The following GCSH variants were observed in gnomAD, a reference collection of about 807,000 sequenced individuals.
The protein encoded by GCSH is glycine cleavage system protein H.
GCSH carries 15 observed loss-of-function variants against 21.3 expected under a neutral mutation model. The ratio of observed to expected loss-of-function variants is 0.70; its 90% CI spans 0.47 to 1.08. The LOEUF (loss-of-function observed/expected upper bound fraction) is 1.08, where lower values mean the gene tolerates loss of function less well. Ranked by LOEUF, GCSH falls within the 50% of genes least tolerant of loss-of-function variation. The pLI is 0.00. For missense variants in GCSH, 179 were observed against 217.5 expected, an observed-to-expected ratio of 0.82 and a Z score of 1.11; for synonymous variants, 59 against 84.5, an observed-to-expected ratio of 0.70 and a Z score of 1.66.
rs1020251615 is a variant in GCSH at position 81,082,030 on chromosome 16, C to T, written c.*836G>A. 2 of 453,952 alleles carry T rather than the reference C, an allele frequency of 4.4e-6. No individual in the cohort carries two copies. The highest frequency in any genetic ancestry group is 2.4e-5 in the Admixed American group (1 of 42,546). 28.1% of individuals were successfully genotyped at this position (453,952 alleles called of 1,614,324 possible). ...TGAACGTGGTTTAACAACTTAAAAA[C>T]ACCATGTGCTATACTGATCAAAACT... On this transcript the variant is annotated 3_prime_UTR_variant, in exon 5 of 5. Transcript: ENST00000315467.
chr16:81,086,558 A>G (rs1360753150), intron 3 of GCSH, among the ~76,000 whole-genome samples: 2 of 151,246 alleles, frequency 1.3e-5, no homozygotes, highest in Non-Finnish European at 2.9e-5. Context: ...CTCCGTCTCA[A>G]AAAAATAAGA....
chr16:81,087,701 A>C, intron 2 of GCSH, 37 bp from the exon 3 acceptor site: 1 of 1,399,814 alleles, frequency 7.1e-7, no homozygotes, highest in Non-Finnish European at 1.0e-6. Context: ...ATCTCTAAGA[A>C]GTTATAACTA....
At chr16:81,088,419 A>G (rs1246886349) in intron 2 of GCSH, among the ~76,000 whole-genome samples, 2 of 152,082 alleles carry the variant, frequency 1.3e-5, no homozygotes, top group Non-Finnish European at 2.9e-5. Context: ...TGGTTTTGAG[A>G]CAGAGTTTCT....
At chr16:81,092,755 C>CA (rs920982457) in intron 1 of GCSH, among the ~76,000 whole-genome samples, 9 of 142,858 alleles carry the variant, frequency 6.3e-5, no homozygotes, top group Non-Finnish European at 1.3e-4. Context: ...AAAAAACAAA[C>CA]AAAAAAAATC....
chr16:81,094,061 A>G (rs8052694), intron 1 of GCSH, among the ~76,000 whole-genome samples: 131,408 of 151,638 alleles, frequency 0.87, 57,458 homozygotes, highest in South Asian at 0.97. Context: ...ACCACGCCCG[A>G]CTAATTTTTT....
rs1972459924 is a variant in GCSH, at chr16:81,094,443, T to G, written c.148+1688A>C. Among the ~76,000 whole-genome samples the G allele has an allele frequency of 3.3e-5, 5 of 151,712 alleles. No homozygotes were observed. The South Asian group carries it at 1.0e-3, about 32-fold the overall frequency. On this transcript the variant is annotated intron_variant, in intron 1 of 4. Coordinates refer to ENST00000315467, the MANE Select transcript of GCSH (RefSeq NM_004483.5). ...GTGTTTGAACCCGGGAAGCGAAGGT[T>G]GCAGTGAGCCAAGATCCTGCCACTG... is the stretch of plus-strand genomic sequence containing the variant.
Position 81,096,270 on chromosome 16 carries a change from C to G in GCSH, c.9G>C (p.Leu3=). The part of the protein sequence containing the change: MA[L]RVVRSVRALL... ...GGGCCCGCACGCTCCGCACCACTCG[C>G]AGCGCCATGTTCGCAGGGGTGCGGG... The change falls in exon 1 of 5, where the codon CTG becomes CTC. Residue 3 remains leucine (L), a synonymous_variant. Coordinates refer to ENST00000315467, the MANE Select transcript of GCSH (RefSeq NM_004483.5). The G allele has an allele frequency of 1.5e-6, 2 of 1,367,034 alleles. No individual in the cohort carries two copies. Among genetic ancestry groups the G allele is most frequent in the Non-Finnish European group, 1.9e-6 (2 of 1,066,588 alleles). The allele number at this position is 1,367,034 out of a possible 1,614,324, so 84.7% of individuals were successfully genotyped here.
At chr16:81,091,817 G>C (rs929645253) in intron 1 of GCSH, among the ~76,000 whole-genome samples, 2 of 151,788 alleles carry the variant, frequency 1.3e-5, no homozygotes, top group Non-Finnish European at 2.9e-5. Context: ...AGATGGGGGG[G>C]TCTATGTTGT....
intron 2 of GCSH, among the ~76,000 whole-genome samples, chr16:81,089,687 C>T (rs911704461): frequency 4.6e-5 from 7 of 152,206 alleles, no homozygotes; most frequent in Non-Finnish European, 2.9e-5. Flanking sequence ...TTCCCCGCCT[C>T]ACCCAATACA....
chr16:81,088,383 C>T (rs531987328), intron 2 of GCSH, among the ~76,000 whole-genome samples: 4 of 152,204 alleles, frequency 2.6e-5, no homozygotes, highest in African/African-American at 9.6e-5. Flanking sequence ...CTGCCCCACA[C>T]AAGACTGCTA....
chr16:81,083,028 G>A (rs566632770), intron 4 of GCSH, 65 bp from the exon 5 acceptor site: 6 of 988,468 alleles, frequency 6.1e-6, no homozygotes, highest in East Asian at 2.4e-5. Context: ...CATCCAAAAC[G>A]TAAAATAAAT....
intron 3 of GCSH, among the ~76,000 whole-genome samples, chr16:81,086,618 G>T (rs933935100): frequency 2.6e-5 from 4 of 151,884 alleles, no homozygotes; most frequent in African/African-American, 4.8e-5. Flanking sequence ...AACAGTCTTA[G>T]GGACCCTATA....
chr16:81,095,833 G>A (rs1237425866), intron 1 of GCSH, among the ~76,000 whole-genome samples: 2 of 151,470 alleles, frequency 1.3e-5, no homozygotes, highest in Admixed American at 6.6e-5. Flanking sequence ...TGCAGCAAGC[G>A]GCCGACCTGC....
At chr16:81,093,153 C>T (rs79978393) in intron 1 of GCSH, among the ~76,000 whole-genome samples, 4,626 of 151,012 alleles carry the variant, frequency 0.031, 192 homozygotes, top group African/African-American at 0.099. Context: ...TGCAGAATGA[C>T]GTGATTTTTT....
rs8177876 is a variant in GCSH, at chr16:81,090,670, G to A, written c.159C>T (p.Phe53=). 0.066 allele frequency: 105,664 copies of A among 1,609,126 alleles called. 4,042 individuals carry two copies. Among genetic ancestry groups the A allele is most frequent in the Non-Finnish European group, 0.074 (87,112 of 1,175,412 alleles). ...TGPALLSVRK[F]TEKHEWVTTE... The stretch of plus-strand genomic sequence containing the variant: ...TTGTTACCCATTCGTGTTTCTCTGT[G>A]AATTTACGCACTAAAACAGAAGACC... The change falls in exon 2 of 5, where the codon TTC becomes TTT. Residue 53 remains phenylalanine, a synonymous_variant. Transcript: ENST00000315467.
Position 81,082,065 on chromosome 16 carries a change from C to T in GCSH, c.*801G>A. The T allele has an allele frequency of 2.2e-6, 1 of 454,110 alleles. No individual in the cohort carries two copies. The allele number at this position is 454,110 out of a possible 1,614,324, so 28.1% of individuals were successfully genotyped here. ...TATACTGATCAAAACTTCCACCTTCCTCTGTCTTTCCTCTTCTTTCTTCAG... is the reference window on the plus strand; with the variant it reads ...TATACTGATCAAAACTTCCACCTTCTTCTGTCTTTCCTCTTCTTTCTTCAG... On this transcript the variant is annotated 3_prime_UTR_variant, in exon 5 of 5. Coordinates refer to ENST00000315467, the MANE Select transcript of GCSH (RefSeq NM_004483.5).
chr16:81,094,868 G>T (rs1425838911), intron 1 of GCSH, among the ~76,000 whole-genome samples: 1 of 152,058 alleles, frequency 6.6e-6, no homozygotes, highest in African/African-American at 2.4e-5. Flanking sequence ...AGGCTGAGGC[G>T]GGTGGATCAC....
chr16:81,091,692 T>C (rs1460790349), intron 1 of GCSH, among the ~76,000 whole-genome samples: 1 of 152,208 alleles, frequency 6.6e-6, no homozygotes, highest in Non-Finnish European at 1.5e-5. Context: ...TTTTACCCCT[T>C]ACCCAAAGGA....
chr16:81,094,262 G>T lies in GCSH; in HGVS notation c.148+1869C>A, dbSNP rs139762354. ...TTTTGGCCTCGGAAAATTAGGAGTT[G>T]TGAGCAATTTATGAAAATTTTGCAT... On this transcript the variant is annotated intron_variant, in intron 1 of 4. Transcript: ENST00000315467. Among the ~76,000 whole-genome samples, 795 of 152,258 alleles carry T rather than the reference G, an allele frequency of 5.2e-3. 7 individuals carry two copies. The highest frequency in any genetic ancestry group is 0.018 in the African/African-American group (762 of 41,552).
Sources: allele counts gnomAD v4.1 joint callset (sites outside exome capture counted in the v4.1 genomes callset), GRCh38; gene constraint gnomAD v4.1.1; transcripts MANE v1.5; gene names NCBI Gene and HGNC (gene_info 2026-07-23, HGNC 2026-07-21).